Variants in NLRP2 observed in about 807,000 individuals in gnomAD.
The protein encoded by NLRP2 is NLR family pyrin domain containing 2.
In NLRP2, 107 loss-of-function variants were observed where a neutral mutation model predicts 97.2. The ratio of observed to expected loss-of-function variants is 1.10; its 90% CI spans 0.94 to 1.29. The LOEUF is 1.29. Among genes scored for constraint, NLRP2 ranks in the 50% most tolerant of loss-of-function variants. The probability of loss-of-function intolerance (pLI) is 0.00; values close to 1 mark genes in which losing one functional copy is unlikely to be tolerated. For synonymous variants in NLRP2, 663 were observed against 551.5 expected, an observed-to-expected ratio of 1.20 and a Z score of -2.83; for missense variants, 1,495 against 1,330.3, an observed-to-expected ratio of 1.12 and a Z score of -1.93.
At chr19:54,971,543 G>A (rs1443050870) in intron 2 of NLRP2, among the ~76,000 whole-genome samples, 1 of 151,582 alleles carries the variant, frequency 6.6e-6, no homozygotes, top group African/African-American at 2.4e-5. Context: ...ATCTCATAGT[G>A]GTTTTGATTT....
Position 54,990,560 on chromosome 19 carries a change from G to A in NLRP2, c.2596G>A (p.Val866Ile), listed in dbSNP as rs897441623. ...NCKDLAAVLV[V>I]SRELTHLCLA... ...CAAGGACCTTGCTGCTGTGTTGGTT[G>A]TCAGCCGGGAGCTGACACACCTGTG... Residue 866 changes from valine (V) to isoleucine (I), a missense_variant, in exon 10 of 13, where the codon GTC becomes ATC. By Grantham distance (29) the Val-to-Ile change is conservative. Coordinates refer to ENST00000448584, the MANE Select transcript of NLRP2 (RefSeq NM_017852.5). 6.2e-7 allele frequency: 1 copy of A among 1,614,056 alleles called. No individual in the cohort carries two copies. Among genetic ancestry groups the A allele is most frequent in the South Asian group, 1.1e-5 (1 of 91,076 alleles).
At chr19:54,970,362 T>A in intron 2 of NLRP2, 67 bp downstream of exon 2, 1 of 1,592,462 alleles carries the variant, frequency 6.3e-7, no homozygotes, top group Non-Finnish European at 8.6e-7. Context: ...ACTTTAGAAA[T>A]TCAGAAGGCC....
rs375510249 is a variant in NLRP2 at position 54,998,611 on chromosome 19, C to CT, written c.3050+1142dup. On this transcript the variant is annotated intron_variant, in intron 12 of 12. Coordinates refer to ENST00000448584, the MANE Select transcript of NLRP2 (RefSeq NM_017852.5). ...CTTTTTTTTGGGGTGCATCTTTTTT[C>CT]TTTTTTTTTTTTTTTTTTCCTTTTT... Among the ~76,000 whole-genome samples, 257 of 42,180 alleles carry CT rather than the reference C, an allele frequency of 6.1e-3. 1 individual carries two copies. Among genetic ancestry groups the CT allele is most frequent in the East Asian group, 9.4e-3 (14 of 1,494 alleles). 27.7% of individuals were successfully genotyped at this position (42,180 alleles called of 152,430 possible).
intron 12 of NLRP2, 33 bp from the exon 13 acceptor site, chr19:55,000,727 A>T: frequency 6.2e-7 from 1 of 1,611,900 alleles, no homozygotes; most frequent in Non-Finnish European, 8.5e-7. Context: ...CTTGATGCAC[A>T]AAGTAACCTT....
chr19:54,990,091 C>G lies in NLRP2; in HGVS notation c.2436C>G (p.Ser812=), dbSNP rs2072365309. Residue 812 remains serine, a synonymous_variant, in exon 9 of 13, where the codon TCC becomes TCG. Coordinates refer to ENST00000448584, the MANE Select transcript of NLRP2 (RefSeq NM_017852.5). ...CCTTGGCCCTTGAAGTCAACCAGTC[C>G]CTGACGTGCGTAAACCTCTCCGACA... is the stretch of plus-strand genomic sequence containing the variant. The part of the protein sequence containing the change: ...DLSLALEVNQ[S]LTCVNLSDNE... The G allele has an allele frequency of 3.1e-6, 5 of 1,613,990 alleles. No individual in the cohort carries two copies. The highest frequency in any genetic ancestry group is 4.2e-6 in the Non-Finnish European group (5 of 1,180,030).
Position 55,000,886 on chromosome 19 carries a change from C to G in NLRP2, c.3177C>G (p.Asp1059Glu). Reference protein sequence around the residue: ...HPWAERPSSHDFMI With the variant: ...HPWAERPSSHEFMI ...GGGCAGAAAGGCCTTCTTCTCATGA[C>G]TTCATGATCTGAATCCCCCCGAGTC... The change falls in exon 13 of 13, where the codon GAC (aspartate) becomes GAG (glutamate). Residue 1059 changes from aspartate to glutamate, a missense_variant. Asp to Glu is a conservative substitution (Grantham distance 45). Coordinates refer to ENST00000448584, the MANE Select transcript of NLRP2 (RefSeq NM_017852.5). 6.2e-7 allele frequency: 1 copy of G among 1,613,718 alleles called. No individual in the cohort carries two copies. Among genetic ancestry groups the G allele is most frequent in the Non-Finnish European group, 8.5e-7 (1 of 1,179,682 alleles).
intron 10 of NLRP2, chr19:54,994,003 A>G: frequency 1.8e-6 from 1 of 559,498 alleles, no homozygotes; most frequent in South Asian, 2.0e-5. Context: ...TGATTGCTGG[A>G]CCTACCCAAA....
rs61212213 is a variant in NLRP2, at chr19:54,968,701, C to CTTTTTTTTTTTTTTTTTTTTTTTT, written c.-17-1286_-17-1285insTTTTTTTTTTTTTTTTTTTTTTTT. On this transcript the variant is annotated intron_variant, in intron 1 of 12. Coordinates refer to ENST00000448584, the MANE Select transcript of NLRP2 (RefSeq NM_017852.5). The stretch of plus-strand genomic sequence containing the variant: ...CTCCACCACTAAGTTATCTTTAAGC[C>CTTTTTTTTTTTTTTTTTTTTTTTT]TTTTTTTTTTTTGAGACAGTTTCAC... Among the ~76,000 whole-genome samples the CTTTTTTTTTTTTTTTTTTTTTTTT allele has an allele frequency of 9.6e-5, 11 of 114,342 alleles. 3 individuals are homozygous for CTTTTTTTTTTTTTTTTTTTTTTTT. Among genetic ancestry groups the CTTTTTTTTTTTTTTTTTTTTTTTT allele is most frequent in the African/African-American group, 3.7e-4 (10 of 26,790 alleles). 75.0% of individuals were successfully genotyped at this position (114,342 alleles called of 152,430 possible).
intron 1 of NLRP2, among the ~76,000 whole-genome samples, chr19:54,967,236 G>T (rs142781060): frequency 6.6e-6 from 1 of 151,936 alleles, no homozygotes; most frequent in Non-Finnish European, 1.5e-5. Flanking sequence ...TAATCGCAGC[G>T]CTTTGGGAGG....
rs183476951 is a variant in NLRP2 at position 54,972,936 on chromosome 19, C to G, written c.281-1564C>G. Reference sequence around the variant, plus strand: ...GGGCACAGTGGCTCACGCCTGTAATCACAGCACTTTGGGAGGCCAAGGCGG... The same window carrying G: ...GGGCACAGTGGCTCACGCCTGTAATGACAGCACTTTGGGAGGCCAAGGCGG... On this transcript the variant is annotated intron_variant, in intron 2 of 12. Transcript: ENST00000448584. Among the ~76,000 whole-genome samples, 302 of 152,184 alleles carry G rather than the reference C, an allele frequency of 2.0e-3. 1 individual carries two copies. The highest frequency in any genetic ancestry group is 3.4e-3 in the Non-Finnish European group (229 of 68,016).
chr19:54,999,406 C>G (rs1419672616), intron 12 of NLRP2, among the ~76,000 whole-genome samples: 2 of 152,168 alleles, frequency 1.3e-5, no homozygotes, highest in African/African-American at 4.8e-5. Context: ...CTCAGCCTCC[C>G]AAAGTGCTAA....
rs1421356083 is a variant in NLRP2 at position 54,990,585 on chromosome 19, G to T, written c.2621G>T (p.Cys874Phe). 1.4e-5 allele frequency: 23 copies of T among 1,614,198 alleles called. No individual in the cohort carries two copies. The highest frequency in any genetic ancestry group is 1.9e-5 in the Non-Finnish European group (23 of 1,180,042). The change falls in exon 10 of 13, where the codon TGC becomes TTC. Residue 874 changes from cysteine to phenylalanine, a missense_variant. By Grantham distance (205) the Cys-to-Phe change is radical. Transcript: ENST00000448584. The stretch of plus-strand genomic sequence containing the variant: ...GTCAGCCGGGAGCTGACACACCTGT[G>T]CTTGGCCAAGAACCCCATTGGGAAT... ...LVVSRELTHL[C>F]LAKNPIGNTG... is the part of the protein sequence containing the mutation.
rs568138472 is a variant in NLRP2 at position 55,000,733 on chromosome 19, A to G, written c.3051-27A>G. ...ACAAATCTCCTTGATGCACAAAGTA[A>G]CCTTTTCTTCCCCCATTGTACCCCA... is the stretch of plus-strand genomic sequence containing the variant. On this transcript the variant is annotated intron_variant, in intron 12 of 12. Transcript: ENST00000448584. 28 of 1,612,400 alleles carry G rather than the reference A, an allele frequency of 1.7e-5. No individual in the cohort carries two copies. In the South Asian group the frequency reaches 3.0e-4, roughly 17 times the overall value.
chr19:54,996,053 ACAAAAAAAAC>A (rs2072799551), intron 11 of NLRP2, among the ~76,000 whole-genome samples: 1 of 139,894 alleles, frequency 7.1e-6, no homozygotes, highest in African/African-American at 2.8e-5. Context: ...AAAAAAAAAA[ACAAAAAAAAC>A]AAAGGCGCCT....
rs61212213 is a variant in NLRP2, at chr19:54,968,701, C to CTTTTTTTTTTTTTTTTTTTTTTT, written c.-17-1286_-17-1285insTTTTTTTTTTTTTTTTTTTTTTT. Among the ~76,000 whole-genome samples, 14 of 114,342 alleles carry CTTTTTTTTTTTTTTTTTTTTTTT rather than the reference C, an allele frequency of 1.2e-4. 2 individuals carry two copies. The highest frequency in any genetic ancestry group is 3.0e-4 in the African/African-American group (8 of 26,788). 75.0% of individuals were successfully genotyped at this position (114,342 alleles called of 152,430 possible). ...CTCCACCACTAAGTTATCTTTAAGC[C>CTTTTTTTTTTTTTTTTTTTTTTT]TTTTTTTTTTTTGAGACAGTTTCAC... On this transcript the variant is annotated intron_variant, in intron 1 of 12. Transcript: ENST00000448584.
rs1306149748 is a variant in NLRP2, at chr19:54,980,934, AC to A, written c.398-679del. Among the ~76,000 whole-genome samples, 6 of 152,062 alleles carry A rather than the reference AC, an allele frequency of 3.9e-5. No individual in the cohort carries two copies. The South Asian group carries it at 1.2e-3, about 32-fold the overall frequency. ...AGACTGGCCTGGCCAACATGGCGAA[AC>A]CCCATCTCTACTAAAAATACAAAAA... On this transcript the variant is annotated intron_variant, in intron 4 of 12. Coordinates refer to ENST00000448584, the MANE Select transcript of NLRP2 (RefSeq NM_017852.5).
rs61212213 is a variant in NLRP2, at chr19:54,968,701, C to CTTTTTTTTTTTTT, written c.-17-1286_-17-1285insTTTTTTTTTTTTT. ...CTCCACCACTAAGTTATCTTTAAGC[C>CTTTTTTTTTTTTT]TTTTTTTTTTTTGAGACAGTTTCAC... On this transcript the variant is annotated intron_variant, in intron 1 of 12. Transcript: ENST00000448584. 2.1e-3 allele frequency among the ~76,000 whole-genome samples: 240 copies of CTTTTTTTTTTTTT among 114,304 alleles called. 16 individuals carry two copies. Among genetic ancestry groups the CTTTTTTTTTTTTT allele is most frequent in the African/African-American group, 7.0e-3 (187 of 26,758 alleles). The allele number at this position is 114,304 out of a possible 152,430, so 75.0% of individuals were successfully genotyped here.
chr19:54,973,188 CAAAA>C (rs535718658), intron 2 of NLRP2, among the ~76,000 whole-genome samples: 1 of 131,384 alleles, frequency 7.6e-6, no homozygotes, highest in Non-Finnish European at 1.6e-5. Flanking sequence ...GACTCCATCT[CAAAA>C]AAAAAAAACA....
chr19:54,983,939 CT>C (rs1404087502), intron 6 of NLRP2, among the ~76,000 whole-genome samples: 1 of 152,146 alleles, frequency 6.6e-6, no homozygotes, highest in East Asian at 1.9e-4. Context: ...CAACCTCCGC[CT>C]CCCGGGTTCA....
Sources: allele counts gnomAD v4.1 joint callset (sites outside exome capture counted in the v4.1 genomes callset), GRCh38; gene constraint gnomAD v4.1.1; transcripts MANE v1.5; gene names NCBI Gene and HGNC (gene_info 2026-07-23, HGNC 2026-07-21).